Variants in PLEKHH1 observed in about 807,000 individuals in gnomAD.
The protein encoded by PLEKHH1 is pleckstrin homology, MyTH4 and FERM domain containing H1.
A neutral mutation model predicts 160.0 loss-of-function variants in PLEKHH1; 104 were observed. The observed-to-expected ratio is 0.65, with a 90% CI of 0.55 to 0.76. The LOEUF (loss-of-function observed/expected upper bound fraction) is 0.76. PLEKHH1 is among the 30% of genes least tolerant of loss of function. The pLI, the probability that PLEKHH1 is intolerant of heterozygous loss-of-function variation, is 0.00. For synonymous variants in PLEKHH1, 619 were observed against 678.4 expected (o/e 0.91, Z 1.36); for missense variants, 1,427 against 1,724.1 (o/e 0.83, Z 3.05).
intron 23 of PLEKHH1, chr14:67,581,588 G>A (rs2035903414): frequency 5.9e-6 from 1 of 170,240 alleles, no homozygotes; most frequent in African/African-American, 2.4e-5. Context: ...GTTACTTTAT[G>A]AGAGTGAAAT....
Position 67,576,019 on chromosome 14 carries a change from C to G in PLEKHH1, c.2352+14C>G. On this transcript the variant is annotated intron_variant, in intron 16 of 28. Transcript: ENST00000329153. The surrounding 1 kb of genome is among the most constrained non-coding windows in gnomAD (Gnocchi z 4.0). The stretch of plus-strand genomic sequence containing the variant: ...AAGCATGAAAAGGTAAGGAAGAGGG[C>G]TGGGCCTCCAGGGCCAAGCTTGGAC... 1.3e-6 allele frequency: 2 copies of G among 1,592,520 alleles called. No individual in the cohort carries two copies. The highest frequency in any genetic ancestry group is 1.7e-6 in the Non-Finnish European group (2 of 1,164,620).
intron 26 of PLEKHH1, 42 bp from the exon 27 acceptor site, chr14:67,585,526 C>G: frequency 7.5e-7 from 1 of 1,326,350 alleles, no homozygotes; most frequent in Non-Finnish European, 1.1e-6. Flanking sequence ...TTCAAAATCT[C>G]TAACTATGGA....
chr14:67,585,561 TC>T lies in PLEKHH1; in HGVS notation c.3700-3del. 6.4e-7 allele frequency: 1 copy of T among 1,567,914 alleles called. No homozygotes were observed. Among genetic ancestry groups the T allele is most frequent in the Non-Finnish European group, 8.7e-7 (1 of 1,153,954 alleles). ...ATATATCTGATGGGTTGTTTCTGTTTCCCCAGCCTGCCCAGCTGTCTTCCAA... is the reference window on the plus strand; with the variant it reads ...ATATATCTGATGGGTTGTTTCTGTTTCCCAGCCTGCCCAGCTGTCTTCCAA... On this transcript the variant is annotated splice_region_variant and splice_polypyrimidine_tract_variant and intron_variant, in intron 26 of 28. Transcript: ENST00000329153.
At position 67,569,970 on chromosome 14, in the gene PLEKHH1, C is replaced by G; in HGVS notation, c.1392C>G (p.Val464=). 6.2e-7 allele frequency: 1 copy of G among 1,609,534 alleles called. No homozygotes were observed. The highest frequency in any genetic ancestry group is 8.5e-7 in the Non-Finnish European group (1 of 1,177,598). ...CCCCTGGGTCTTTCTCTGGCCTGGTCTACAAGAATGTCACTGTGCCTGTCT... is the reference window on the plus strand; with the variant it reads ...CCCCTGGGTCTTTCTCTGGCCTGGTGTACAAGAATGTCACTGTGCCTGTCT... ...LVSPGSFSGL[V]YKNVTVPVYT... Residue 464 remains valine, a synonymous_variant, in exon 9 of 29, where the codon GTC becomes GTG. Transcript: ENST00000329153.
At chr14:67,540,706 A>C (rs2033931586) in intron 1 of PLEKHH1, among the ~76,000 whole-genome samples, 1 of 152,006 alleles carries the variant, frequency 6.6e-6, no homozygotes, top group Admixed American at 6.6e-5. Context: ...ACCATGTGTC[A>C]TGGTTTGGGA....
At chr14:67,552,181 C>A (rs560630770) in intron 2 of PLEKHH1, among the ~76,000 whole-genome samples, 2 of 152,318 alleles carry the variant, frequency 1.3e-5, no homozygotes, top group Non-Finnish European at 2.9e-5. Flanking sequence ...TGTCAGCCAC[C>A]TAAACCTGAC....
At position 67,578,609 on chromosome 14, in the gene PLEKHH1, C is replaced by T. The variant is rs2035740023; in HGVS notation, c.2827C>T (p.Leu943Phe). 1 of 1,609,574 alleles carries T rather than the reference C, an allele frequency of 6.2e-7. No individual in the cohort carries two copies. The highest frequency in any genetic ancestry group is 1.1e-5 in the South Asian group (1 of 89,942). ...CTTCCTCTGGTATGTCAAGCAGCAG[C>T]TCCAACGCCATGCAGATCCCAGGTG... ...HHFLWYVKQQLQRHADPRSET... is the reference protein window; with the variant it reads ...HHFLWYVKQQFQRHADPRSET... Residue 943 changes from leucine to phenylalanine, a missense_variant, in exon 20 of 29, where the codon CTC becomes TTC. Leu to Phe is a conservative substitution (Grantham distance 22). This residue lies in a region of PLEKHH1 where 436 missense variants were observed against 607.5 expected (regional missense o/e 0.72). Coordinates refer to ENST00000329153, the MANE Select transcript of PLEKHH1 (RefSeq NM_020715.3). The surrounding 1 kb of genome is among the most constrained non-coding windows in gnomAD (Gnocchi z 5.0).
rs532770805 is a variant in PLEKHH1, at chr14:67,581,582, C to T, written c.3285-487C>T. ...CCTCATGGGATGGCTAAGTGTGTTA[C>T]TTTATGAGAGTGAAATTTTGTATAA... On this transcript the variant is annotated intron_variant, in intron 23 of 28. Transcript: ENST00000329153. 3 of 169,968 alleles carry T rather than the reference C, an allele frequency of 1.8e-5. No individual in the cohort carries two copies. In the South Asian group the frequency reaches 4.1e-4, roughly 23 times the overall value. The allele number at this position is 169,968 out of a possible 1,614,324, so 10.5% of individuals were successfully genotyped here.
At position 67,585,740 on chromosome 14, in the gene PLEKHH1, C is replaced by G; in HGVS notation, c.3786+86C>G. On this transcript the variant is annotated intron_variant, in intron 27 of 28. Transcript: ENST00000329153. Reference sequence around the variant, plus strand: ...TCCTCTGTGGACTCAAAAGCCTGAACCAAGTGACCATGGCTGCCCTACCCC... The same window carrying G: ...TCCTCTGTGGACTCAAAAGCCTGAAGCAAGTGACCATGGCTGCCCTACCCC... The G allele has an allele frequency of 7.0e-6, 8 of 1,138,472 alleles. 1 individual carries two copies. In the South Asian group the frequency reaches 1.1e-4, roughly 16 times the overall value. The allele number at this position is 1,138,472 out of a possible 1,614,324, so 70.5% of individuals were successfully genotyped here.
chr14:67,564,091 C>T (rs1032670742), intron 7 of PLEKHH1, among the ~76,000 whole-genome samples: 2 of 151,728 alleles, frequency 1.3e-5, no homozygotes, highest in East Asian at 1.9e-4. Flanking sequence ...TTAGTAGAGA[C>T]GGGGTTTCAC....
chr14:67,583,469 G>A (rs112103081), intron 24 of PLEKHH1, among the ~76,000 whole-genome samples: 4 of 152,014 alleles, frequency 2.6e-5, no homozygotes, highest in African/African-American at 9.7e-5. Context: ...TTCCCTTGTC[G>A]GCTACCAATT....
Position 67,541,879 on chromosome 14 carries a change from C to T in PLEKHH1, c.12C>T (p.Leu4=), listed in dbSNP as rs756684182. The change falls in exon 2 of 29, where the codon CTC becomes CTT. Residue 4 remains leucine, a synonymous_variant. Transcript: ENST00000329153. MAE[L]KVEAPASVDW... ...AAGTCGATTCCATCATGGCAGAACTCAAGGTGGAGGCGCCGGCCAGCGTAG... is the reference window on the plus strand; with the variant it reads ...AAGTCGATTCCATCATGGCAGAACTTAAGGTGGAGGCGCCGGCCAGCGTAG... The T allele has an allele frequency of 4.9e-5, 78 of 1,601,890 alleles. No individual in the cohort carries two copies. The highest frequency in any genetic ancestry group is 6.2e-5 in the Non-Finnish European group (73 of 1,174,552).
Position 67,543,216 on chromosome 14 carries a change from A to G in PLEKHH1, c.126+1223A>G, listed in dbSNP as rs375261037. Among the ~76,000 whole-genome samples the G allele has an allele frequency of 2.6e-5, 4 of 152,336 alleles. 1 individual carries two copies. Among genetic ancestry groups the G allele is most frequent in the South Asian group, 2.1e-4 (1 of 4,830 alleles). On this transcript the variant is annotated intron_variant, in intron 2 of 28. Transcript: ENST00000329153. ...CTCTCCAAAGAATGTCAAAGTCTCA[A>G]TTAGTAAAGCCCAAATGGATGACCT...
At position 67,572,280 on chromosome 14, in the gene PLEKHH1, G is replaced by A; in HGVS notation, c.1728+3G>A. ...CCGACGGGCTGGGCCTGGGCGGGGT[G>A]AGCCGGGAAACGGGCGGGGGCAGGG... On this transcript the variant is annotated splice_donor_region_variant and intron_variant, in intron 11 of 28. Coordinates refer to ENST00000329153, the MANE Select transcript of PLEKHH1 (RefSeq NM_020715.3). 12 of 1,592,874 alleles carry A rather than the reference G, an allele frequency of 7.5e-6. No homozygotes were observed. Among genetic ancestry groups the A allele is most frequent in the South Asian group, 1.1e-5 (1 of 88,102 alleles).
intron 7 of PLEKHH1, among the ~76,000 whole-genome samples, chr14:67,567,395 G>A (rs933702780): frequency 1.3e-5 from 2 of 152,144 alleles, no homozygotes; most frequent in Admixed American, 1.3e-4. Context: ...AACAGTCATA[G>A]GTTTCGTTTT....
At position 67,583,987 on chromosome 14, in the gene PLEKHH1, C is replaced by T. The variant is rs1409423106; in HGVS notation, c.3570-8C>T. On this transcript the variant is annotated splice_polypyrimidine_tract_variant and splice_region_variant and intron_variant, in intron 25 of 28. Transcript: ENST00000329153. ...TTGGCACTATTTCTCTCCATCTGCC[C>T]ACACCAGGCACCTGGCAGATATGTT... The T allele has an allele frequency of 4.3e-6, 7 of 1,613,964 alleles. No homozygotes were observed. Among genetic ancestry groups the T allele is most frequent in the Non-Finnish European group, 5.9e-6 (7 of 1,179,860 alleles).
rs1203013559 is a variant in PLEKHH1 at position 67,562,517 on chromosome 14, G to C, written c.886G>C (p.Gly296Arg). ...TACTGCTCAGAGAGGGATGCTCCCT[G>C]GGACAAAGACCTCTGCCAGGGAAGG... Reference protein sequence around the residue: ...LVTAQRGMLPGTKTSAREGGP... With the variant: ...LVTAQRGMLPRTKTSAREGGP... Residue 296 changes from glycine to arginine, a missense_variant, in exon 7 of 29, where the codon GGG becomes CGG. Around this residue, in one of 6 missense-constraint regions of PLEKHH1, gnomAD observed 831 missense variants for 929.2 expected, o/e 0.89. Transcript: ENST00000329153. The C allele has an allele frequency of 1.2e-6, 2 of 1,611,018 alleles. No homozygotes were observed. Among genetic ancestry groups the C allele is most frequent in the Non-Finnish European group, 8.5e-7 (1 of 1,177,498 alleles).
chr14:67,585,491 C>G, intron 26 of PLEKHH1, 77 bp from the exon 27 acceptor site: 1 of 988,364 alleles, frequency 1.0e-6, no homozygotes, highest in South Asian at 1.5e-5. Context: ...CTGGATGTGC[C>G]TTCTTTCTCA....
intron 1 of PLEKHH1, among the ~76,000 whole-genome samples, chr14:67,537,713 C>T (rs577370458): frequency 5.3e-5 from 8 of 152,274 alleles, no homozygotes; most frequent in Middle Eastern, 3.4e-3. Flanking sequence ...AGTTTCTGCT[C>T]AAAATCCTCA....
Sources: allele counts gnomAD v4.1 joint callset (sites outside exome capture counted in the v4.1 genomes callset), GRCh38; gene constraint gnomAD v4.1.1; regional missense constraint gnomAD v4.1.1; non-coding constraint Gnocchi (gnomAD v3.1); transcripts MANE v1.5; gene names NCBI Gene and HGNC (gene_info 2026-07-23, HGNC 2026-07-21).